The following LRRD1 variants were observed in gnomAD, a reference collection of about 807,000 sequenced individuals.
LRRD1 encodes leucine-rich repeat and death domain-containing protein 1.
In LRRD1, 49 loss-of-function variants were observed where a neutral mutation model predicts 69.5. The ratio of observed to expected loss-of-function variants is 0.70; its 90% CI spans 0.56 to 0.89. LRRD1 has a LOEUF of 0.89. Among genes scored for constraint, LRRD1 ranks in the 40% least tolerant of loss-of-function variants. LRRD1 has a pLI of 0.00. For missense variants in LRRD1, 853 were observed against 956.0 expected, an observed-to-expected ratio of 0.89 and a Z score of 1.42; for synonymous variants, 303 against 338.9, an observed-to-expected ratio of 0.89 and a Z score of 1.16.
At chr7:92,165,861 C>CAA (rs750215030) in intron 1 of LRRD1, among the ~76,000 whole-genome samples, 6,877 of 41,202 alleles carry the variant, frequency 0.17, 341 homozygotes, top group East Asian at 0.38. Context: ...AACTCCATCT[C>CAA]AAAAAAAAAA....
chr7:92,145,695 TC>T lies in LRRD1; in HGVS notation c.2396+387del, dbSNP rs1250960045. 3.3e-5 allele frequency among the ~76,000 whole-genome samples: 5 copies of T among 152,140 alleles called. No individual in the cohort carries two copies. In the East Asian group the frequency reaches 9.6e-4, roughly 29 times the overall value. Reference sequence around the variant, plus strand: ...ACCTCGTGATCCACCCGCCTCAGCTTCCCTAAATGCTGGGATTACAGGTGTG... The same window carrying T: ...ACCTCGTGATCCACCCGCCTCAGCTTCCTAAATGCTGGGATTACAGGTGTG... On this transcript the variant is annotated intron_variant, in intron 5 of 5. Coordinates refer to ENST00000458448, the MANE Select transcript of LRRD1 (RefSeq NM_001161528.2).
intron 4 of LRRD1, among the ~76,000 whole-genome samples, chr7:92,149,743 G>C (rs1584650702): frequency 1.3e-5 from 2 of 152,096 alleles, no homozygotes; most frequent in South Asian, 4.2e-4. Context: ...TAGAGACAAG[G>C]TCACACACTA....
At chr7:92,149,604 A>G (rs1390038858) in intron 4 of LRRD1, among the ~76,000 whole-genome samples, 1 of 152,238 alleles carries the variant, frequency 6.6e-6, no homozygotes, top group African/African-American at 2.4e-5. Context: ...GACGGATGGG[A>G]TAAAGACTAT....
At chr7:92,165,861 C>CA (rs750215030) in intron 1 of LRRD1, among the ~76,000 whole-genome samples, 2,139 of 40,444 alleles carry the variant, frequency 0.053, 62 homozygotes, top group African/African-American at 0.1. Context: ...AACTCCATCT[C>CA]AAAAAAAAAA....
rs924498433 is a variant in LRRD1, at chr7:92,163,421, G to T, written c.1782C>A (p.Ile594=). The T allele has an allele frequency of 6.5e-6, 10 of 1,547,042 alleles. No homozygotes were observed. The highest frequency in any genetic ancestry group is 2.0e-5 in the Admixed American group (1 of 49,476). The change falls in exon 2 of 6, where the codon ATC becomes ATA. Residue 594 remains isoleucine (I), a synonymous_variant. Coordinates refer to ENST00000458448, the MANE Select transcript of LRRD1 (RefSeq NM_001161528.2). ...LDLSENQLQK[I]SSDICNLKGI... is the part of the protein sequence containing the mutation. Reference sequence around the variant, plus strand: ...CTTTTAAATTACAGATGTCTGAAGAGATTTTCTGTAATTGGTTTTCCGAAA... The same window carrying T: ...CTTTTAAATTACAGATGTCTGAAGATATTTTCTGTAATTGGTTTTCCGAAA...
intron 1 of LRRD1, among the ~76,000 whole-genome samples, chr7:92,174,455 T>C (rs1789120284): frequency 7.7e-6 from 1 of 129,290 alleles, no homozygotes; most frequent in Non-Finnish European, 1.6e-5. Context: ...TCTACATATA[T>C]TATGTATCAA....
chr7:92,164,358 A>G lies in LRRD1; in HGVS notation c.845T>C (p.Leu282Ser), dbSNP rs1490586648. 1 of 1,549,764 alleles carries G rather than the reference A, an allele frequency of 6.5e-7. No homozygotes were observed. Among genetic ancestry groups the G allele is most frequent in the Admixed American group, 2.0e-5 (1 of 50,576 alleles). The change falls in exon 2 of 6, where the codon TTG becomes TCG. Residue 282 changes from leucine to serine, a missense_variant. By Grantham distance (145) the Leu-to-Ser change is moderately radical (BLOSUM62 -2). Coordinates refer to ENST00000458448, the MANE Select transcript of LRRD1 (RefSeq NM_001161528.2). ...IPDTLPSLKT[L>S]RVLNLEYNQL... Reference sequence around the variant, plus strand: ...ATTATATTCCAAATTGAGAACCCTCAAGGTTTTTAAACTAGGCAGAGTATC... The same window carrying G: ...ATTATATTCCAAATTGAGAACCCTCGAGGTTTTTAAACTAGGCAGAGTATC...
intron 3 of LRRD1, among the ~76,000 whole-genome samples, chr7:92,156,382 T>C (rs1248706882): frequency 6.6e-6 from 1 of 152,242 alleles, no homozygotes; most frequent in Non-Finnish European, 1.5e-5. Flanking sequence ...TTGAGTTGAA[T>C]TTAAAGATAA....
intron 4 of LRRD1, among the ~76,000 whole-genome samples, chr7:92,146,614 C>CATA (rs1820330420): frequency 1.5e-5 from 2 of 130,890 alleles, no homozygotes; most frequent in Middle Eastern, 5.2e-3. Flanking sequence ...AAGACTGTCT[C>CATA]AAAAAAAAAA....
chr7:92,178,408 C>T (rs1426675902), intron 1 of LRRD1, among the ~76,000 whole-genome samples: 2 of 152,052 alleles, frequency 1.3e-5, no homozygotes, highest in Non-Finnish European at 2.9e-5. Flanking sequence ...CGGTGGTTCA[C>T]GCCTGTAATC....
chr7:92,178,008 A>T (rs915257367), intron 1 of LRRD1, among the ~76,000 whole-genome samples: 1 of 152,162 alleles, frequency 6.6e-6, no homozygotes, highest in Non-Finnish European at 1.5e-5. Flanking sequence ...GCCACCAATT[A>T]TTTGTTTCCA....
intron 1 of LRRD1, among the ~76,000 whole-genome samples, chr7:92,170,143 C>CGGAAGGAA (rs1042235399): frequency 1.6e-5 from 2 of 124,630 alleles, no homozygotes; most frequent in Non-Finnish European, 3.4e-5. Context: ...GAAGGAAGGA[C>CGGAAGGAA]GGAAGGAAGG....
At chr7:92,167,864 G>A (rs1377036301) in intron 1 of LRRD1, among the ~76,000 whole-genome samples, 3 of 91,522 alleles carry the variant, frequency 3.3e-5, no homozygotes, top group East Asian at 3.5e-4. Context: ...GCAACACAGC[G>A]AGACTCTGTC....
At chr7:92,153,648 A>C (rs961971318) in intron 3 of LRRD1, among the ~76,000 whole-genome samples, 1 of 150,514 alleles carries the variant, frequency 6.6e-6, no homozygotes, top group African/African-American at 2.4e-5. Flanking sequence ...TGGGCAACAT[A>C]GTGAAACCCC....
Position 92,165,004 on chromosome 7 carries a change from ACT to A in LRRD1, c.197_198del (p.Glu66ValfsTer10), listed in dbSNP as rs1788876847. The A allele has an allele frequency of 6.4e-7, 1 of 1,551,018 alleles. No homozygotes were observed. The highest frequency in any genetic ancestry group is 1.2e-5 in the South Asian group (1 of 84,032). ...GACTTCCTTCCAGAGGAAGATGTTG[ACT>A]CTAATGTATTCTGTCTAGGATGTGT... Reference protein sequence around the residue: ...YETHPRQNTLESTSSSGRKSK... With the variant: ...YETHPRQNTLXSTSSSGRKSK... On this transcript the variant is annotated frameshift_variant, in exon 2 of 6. Coordinates refer to ENST00000458448, the MANE Select transcript of LRRD1 (RefSeq NM_001161528.2). LOFTEE classifies it high-confidence loss of function.
chr7:92,163,560 A>C lies in LRRD1; in HGVS notation c.1643T>G (p.Ile548Ser). 1 of 1,529,352 alleles carries C rather than the reference A, an allele frequency of 6.5e-7. No individual in the cohort carries two copies. The highest frequency in any genetic ancestry group is 8.8e-7 in the Non-Finnish European group (1 of 1,140,162). The allele number at this position is 1,529,352 out of a possible 1,614,324, so 94.7% of individuals were successfully genotyped here. A position where few individuals can be genotyped will look rare whatever the true frequency, so the allele number is the denominator to read the frequency against. Residue 548 changes from isoleucine to serine, a missense_variant, in exon 2 of 6, where the codon ATT becomes AGT. Coordinates refer to ENST00000458448, the MANE Select transcript of LRRD1 (RefSeq NM_001161528.2). ...TATCATATTAGAAATTGATGCTGGA[A>C]TTTTCTTTATTTGGTTTTTACCAAG... is the stretch of plus-strand genomic sequence containing the variant. ...LDLGKNQIKKIPASISNMISL... is the reference protein window; with the variant it reads ...LDLGKNQIKKSPASISNMISL...
intron 1 of LRRD1, among the ~76,000 whole-genome samples, chr7:92,171,824 A>C (rs1789063258): frequency 6.6e-6 from 1 of 152,270 alleles, no homozygotes; most frequent in Non-Finnish European, 1.5e-5. Flanking sequence ...TACTATGATC[A>C]AGTGCGATTC....
At chr7:92,176,066 A>T (rs1460092726) in intron 1 of LRRD1, among the ~76,000 whole-genome samples, 2 of 152,228 alleles carry the variant, frequency 1.3e-5, no homozygotes, top group East Asian at 3.8e-4. Context: ...TATGGTGGTT[A>T]TTCTCAGTTC....
chr7:92,177,992 G>A (rs1224763166), intron 1 of LRRD1, among the ~76,000 whole-genome samples: 1 of 152,134 alleles, frequency 6.6e-6, no homozygotes, highest in Non-Finnish European at 1.5e-5. Flanking sequence ...TTGCATTGAA[G>A]AGGCTGCCAC....
Sources: gnomAD v4.1 joint callset for allele counts (sites outside exome capture counted in the v4.1 genomes callset) on GRCh38, gnomAD v4.1.1 for gene constraint, MANE v1.5 for transcripts, NCBI Gene and HGNC (gene_info 2026-07-23, HGNC 2026-07-21) for gene names.